FRAS1: variants seen among roughly 807,000 people sequenced by gnomAD.
FRAS1 encodes the protein Fraser extracellular matrix complex subunit 1.
FRAS1 carries 290 observed loss-of-function variants against 435.2 expected under a neutral mutation model. The ratio of observed to expected loss-of-function variants is 0.67; its 90% CI spans 0.61 to 0.73. The LOEUF is 0.73. Among genes scored for constraint, FRAS1 ranks in the 30% least tolerant of loss-of-function variants. FRAS1 has a pLI of 0.00. For missense variants in FRAS1, 4,860 were observed against 5,001.5 expected (o/e 0.97, Z 0.85); for synonymous variants, 1,800 against 1,851.0 (o/e 0.97, Z 0.71).
intron 54 of FRAS1, 94 bp downstream of exon 54, chr4:78,475,700 C>G: frequency 8.1e-7 from 1 of 1,236,812 alleles, no homozygotes; most frequent in Admixed American, 2.4e-5. Flanking sequence ...CCCAACTTTG[C>G]TTTTCACTGG....
chr4:78,127,189 G>C (rs749773310), intron 2 of FRAS1, among the ~76,000 whole-genome samples: 5 of 152,110 alleles, frequency 3.3e-5, no homozygotes, highest in African/African-American at 4.8e-5. Context: ...GGGAGAGAAA[G>C]AGAGGAATGA....
At chr4:78,116,345 T>TC (rs1743173988) in intron 2 of FRAS1, among the ~76,000 whole-genome samples, 1 of 152,302 alleles carries the variant, frequency 6.6e-6, no homozygotes, top group Admixed American at 6.5e-5. Flanking sequence ...GTCTATTAGG[T>TC]TGCCTTGGTG....
At chr4:78,526,994 C>G (rs921114654) in intron 70 of FRAS1, among the ~76,000 whole-genome samples, 4 of 152,122 alleles carry the variant, frequency 2.6e-5, no homozygotes, top group Non-Finnish European at 5.9e-5. Context: ...AAAGTGTTTT[C>G]TAGTATTTCT....
chr4:78,068,475 T>C (rs572271894), intron 2 of FRAS1: 5 of 455,322 alleles, frequency 1.1e-5, no homozygotes, highest in Non-Finnish European at 2.2e-5. Flanking sequence ...GCATGGAGGA[T>C]GGCAAGAGAT....
intron 2 of FRAS1, among the ~76,000 whole-genome samples, chr4:78,196,282 CA>C (rs1393058708): frequency 6.6e-6 from 1 of 152,212 alleles, no homozygotes; most frequent in Non-Finnish European, 1.5e-5. Context: ...GCTGGGGTTA[CA>C]GGTGTGATCC....
chr4:78,489,207 T>C, intron 59 of FRAS1, 127 bp downstream of exon 59: 1 of 825,380 alleles, frequency 1.2e-6, no homozygotes, highest in Non-Finnish European at 1.8e-6. Context: ...CCTTGAACAA[T>C]GCAGGGGATA....
chr4:78,527,271 A>ACATGAG (rs1721565056), intron 70 of FRAS1, among the ~76,000 whole-genome samples: 1 of 152,150 alleles, frequency 6.6e-6, no homozygotes, highest in African/African-American at 2.4e-5. Context: ...ACTCAACCAT[A>ACATGAG]CATGAGCCCA....
chr4:78,187,130 T>G (rs2110059005), intron 2 of FRAS1, among the ~76,000 whole-genome samples: 1 of 152,342 alleles, frequency 6.6e-6, no homozygotes, highest in South Asian at 2.1e-4. Context: ...CAGTTTCCTT[T>G]CCTGGTGTTT....
chr4:78,371,098 T>G (rs1731489438), intron 23 of FRAS1, among the ~76,000 whole-genome samples: 2 of 151,038 alleles, frequency 1.3e-5, no homozygotes, highest in Non-Finnish European at 2.9e-5. Flanking sequence ...TTTGTTTTTT[T>G]TTTTTTTTGC....
chr4:78,266,068 A>G (rs775008724), intron 7 of FRAS1, among the ~76,000 whole-genome samples: 1 of 152,218 alleles, frequency 6.6e-6, no homozygotes, highest in African/African-American at 2.4e-5. Flanking sequence ...TGGCATCTTC[A>G]ACTACAAGGA....
intron 29 of FRAS1, among the ~76,000 whole-genome samples, chr4:78,395,095 T>G (rs1732604000): frequency 6.6e-6 from 1 of 151,978 alleles, no homozygotes; most frequent in East Asian, 1.9e-4. Context: ...TGGTGGAATC[T>G]TTAGGGTTTT....
chr4:78,250,071 T>A (rs536593823), intron 4 of FRAS1, among the ~76,000 whole-genome samples: 22 of 152,222 alleles, frequency 1.4e-4, no homozygotes, highest in Non-Finnish European at 2.2e-4. Context: ...GTCTTTAAAT[T>A]AAGACATTAA....
chr4:78,094,442 C>T (rs1319234860), intron 2 of FRAS1, among the ~76,000 whole-genome samples: 2 of 151,554 alleles, frequency 1.3e-5, no homozygotes, highest in Non-Finnish European at 2.9e-5. Flanking sequence ...ATCTTTTTTT[C>T]CCCTCTACAT....
At position 78,333,415 on chromosome 4, in the gene FRAS1, G is replaced by T. The variant is rs1215965542; in HGVS notation, c.2278+3G>T. ...TCACCAGGAAGGTAGTTGCACAGGT[G>T]AGTATGTAATGTGCTGAGGCACATT... On this transcript the variant is annotated splice_donor_region_variant and intron_variant, in intron 19 of 73. Transcript: ENST00000512123. 6.2e-7 allele frequency: 1 copy of T among 1,610,438 alleles called. No individual in the cohort carries two copies. The highest frequency in any genetic ancestry group is 8.5e-7 in the Non-Finnish European group (1 of 1,178,318).
At chr4:78,288,279 C>T (rs1169056925) in intron 14 of FRAS1, among the ~76,000 whole-genome samples, 1 of 152,176 alleles carries the variant, frequency 6.6e-6, no homozygotes, top group Non-Finnish European at 1.5e-5. Flanking sequence ...TTACTCCTTT[C>T]TTTTATCCCA....
chr4:78,382,046 C>T (rs1471748), intron 27 of FRAS1, among the ~76,000 whole-genome samples: 55,858 of 152,028 alleles, frequency 0.37, 10,508 homozygotes, highest in African/African-American at 0.43. Flanking sequence ...ACCATGAAGA[C>T]ACTGACCGTG....
At chr4:78,066,424 A>T (rs1393858755) in intron 2 of FRAS1, among the ~76,000 whole-genome samples, 1 of 152,172 alleles carries the variant, frequency 6.6e-6, no homozygotes, top group Non-Finnish European at 1.5e-5. Context: ...GTAGAATAGG[A>T]AGGATTTCTG....
At chr4:78,376,875 C>A (rs1731787106) in intron 26 of FRAS1, among the ~76,000 whole-genome samples, 1 of 152,050 alleles carries the variant, frequency 6.6e-6, no homozygotes, top group Non-Finnish European at 1.5e-5. Context: ...CCTGTAATCC[C>A]AGCTACTCAG....
intron 2 of FRAS1, among the ~76,000 whole-genome samples, chr4:78,188,639 T>G (rs1033471640): frequency 6.6e-6 from 1 of 152,200 alleles, no homozygotes; most frequent in African/African-American, 2.4e-5. Flanking sequence ...TTCACAGTAA[T>G]GCCTAGATTA....
Sources: gnomAD v4.1 joint callset for allele counts (sites outside exome capture counted in the v4.1 genomes callset) on GRCh38, gnomAD v4.1.1 for gene constraint, MANE v1.5 for transcripts, NCBI Gene and HGNC (gene_info 2026-07-23, HGNC 2026-07-21) for gene names.